Variants in SYMPK observed in about 807,000 individuals in gnomAD.
SYMPK encodes symplekin scaffold protein.
Under a neutral mutation model 136.4 loss-of-function variants are expected in SYMPK, and 49 were observed. The observed-to-expected ratio is 0.36, with a 90% CI of 0.29 to 0.46. The LOEUF is 0.46. SYMPK is among the 20% of genes least tolerant of loss of function. SYMPK has a pLI of 1.00. For missense variants in SYMPK, 1,365 were observed against 1,690.0 expected, an observed-to-expected ratio of 0.81 and a Z score of 3.37; for synonymous variants, 766 against 713.0, an observed-to-expected ratio of 1.07 and a Z score of -1.19.
intron 9 of SYMPK, among the ~76,000 whole-genome samples, chr19:45,838,863 C>T (rs143196848): frequency 1.5e-4 from 23 of 152,324 alleles, no homozygotes; most frequent in Non-Finnish European, 3.1e-4. Flanking sequence ...ACCCCTGCAG[C>T]TTATCATAAG....
chr19:45,863,025 C>G (rs1026943477), intron 1 of SYMPK, 33 bp downstream of exon 1: 1 of 363,394 alleles, frequency 2.8e-6, no homozygotes, highest in Non-Finnish European at 4.9e-6. Context: ...CTCCTCCTTT[C>G]GTCTCCGGGC....
rs1001480376 is a variant in SYMPK, at chr19:45,825,301, A to G, written c.2360T>C (p.Val787Ala). ...EVAAPWTEET[V>A]KQCLYLYLAL... ...CAGGTAGAGGTACAGACACTGCTTC[A>G]CTGTCTCCTCCGTCCAGGGTGCTGC... Residue 787 changes from valine (V) to alanine (A), a missense_variant, in exon 18 of 27, where the codon GTG becomes GCG. Val to Ala is a moderately conservative substitution (Grantham distance 64, BLOSUM62 0). Around this residue, in one of 11 missense-constraint regions of SYMPK, gnomAD observed 92 missense variants for 198.6 expected, o/e 0.46. Coordinates refer to ENST00000245934, the MANE Select transcript of SYMPK (RefSeq NM_004819.3). 2.5e-6 allele frequency: 4 copies of G among 1,613,978 alleles called. No individual in the cohort carries two copies. The African/African-American group carries it at 5.3e-5, about 22-fold the overall frequency.
chr19:45,854,862 G>T, intron 1 of SYMPK: 1 of 235,292 alleles, frequency 4.3e-6, no homozygotes, highest in South Asian at 7.4e-5. Flanking sequence ...TTTGGACTGG[G>T]CACCACAGCA....
intron 7 of SYMPK, among the ~76,000 whole-genome samples, chr19:45,845,945 T>C (rs954757951): frequency 5.3e-5 from 8 of 152,156 alleles, no homozygotes; most frequent in Non-Finnish European, 8.8e-5. Flanking sequence ...TTATTTAAAA[T>C]AGTGAATTAG....
intron 1 of SYMPK, among the ~76,000 whole-genome samples, chr19:45,860,414 C>T (rs1971936229): frequency 6.6e-6 from 1 of 150,708 alleles, no homozygotes; most frequent in South Asian, 2.1e-4. Context: ...GCCGAGGTCA[C>T]ATCATTGCAC....
chr19:45,817,949 G>T lies in SYMPK; in HGVS notation c.3081+10C>A, dbSNP rs1157735483. The T allele has an allele frequency of 6.4e-7, 1 of 1,559,658 alleles. No individual in the cohort carries two copies. Among genetic ancestry groups the T allele is most frequent in the African/African-American group, 1.4e-5 (1 of 74,042 alleles). ...GCAGCCTGGAGGCGGGGTGGCCGGG[G>T]ATGGGTTACCTGCTTCATGATGAGG... On this transcript the variant is annotated intron_variant, in intron 23 of 26. Coordinates refer to ENST00000245934, the MANE Select transcript of SYMPK (RefSeq NM_004819.3).
chr19:45,850,563 A>G (rs928027149), intron 5 of SYMPK, among the ~76,000 whole-genome samples: 2 of 152,216 alleles, frequency 1.3e-5, no homozygotes, highest in African/African-American at 2.4e-5. Flanking sequence ...TAAAAAGAGG[A>G]TAACCACAGT....
At chr19:45,838,667 C>T (rs1291880169) in intron 9 of SYMPK, 52 bp from the exon 10 acceptor site, 2 of 1,571,710 alleles carry the variant, frequency 1.3e-6, no homozygotes, top group Admixed American at 1.7e-5. Flanking sequence ...GCTGCAGGCC[C>T]TCCATCCTTC....
chr19:45,827,653 A>T, intron 15 of SYMPK, 30 bp from the exon 16 acceptor site: 2 of 1,592,830 alleles, frequency 1.3e-6, no homozygotes, highest in Non-Finnish European at 1.7e-6. Flanking sequence ...ACCCGAGCTC[A>T]GCCCACCTGA....
Position 45,835,061 on chromosome 19 carries a change from G to A in SYMPK, c.1393+17C>T, listed in dbSNP as rs760879590. 1.3e-5 allele frequency: 21 copies of A among 1,567,066 alleles called. No homozygotes were observed. Among genetic ancestry groups the A allele is most frequent in the South Asian group, 4.7e-5 (4 of 84,568 alleles). On this transcript the variant is annotated intron_variant, in intron 11 of 26. Transcript: ENST00000245934. ...AGTGCCAATCCCTGGCCCAGGTTAG[G>A]GCCAGGACACACTCACCTGGTCCCA...
chr19:45,830,267 ACT>A (rs1187560824), intron 12 of SYMPK, 63 bp from the exon 13 acceptor site: 5 of 1,533,458 alleles, frequency 3.3e-6, no homozygotes, highest in African/African-American at 2.7e-5. Flanking sequence ...CTGTCTGGTG[ACT>A]CTCCCAACTT....
intron 7 of SYMPK, among the ~76,000 whole-genome samples, chr19:45,845,501 C>CA (rs1971538827): frequency 6.6e-6 from 1 of 152,108 alleles, no homozygotes; most frequent in South Asian, 2.1e-4. Context: ...CTTCCACTTC[C>CA]ATCCATGTTG....
chr19:45,845,557 C>T (rs972042975), intron 7 of SYMPK, among the ~76,000 whole-genome samples: 3 of 152,002 alleles, frequency 2.0e-5, no homozygotes, highest in Admixed American at 2.0e-4. Context: ...GAATAGTATT[C>T]AATTGTGTAT....
chr19:45,823,261 C>T, intron 20 of SYMPK, 111 bp downstream of exon 20: 5 of 1,086,416 alleles, frequency 4.6e-6, no homozygotes, highest in Non-Finnish European at 5.6e-6. Flanking sequence ...GTGCCTTCTG[C>T]CCTCTGCTAT....
intron 6 of SYMPK, among the ~76,000 whole-genome samples, 153 bp downstream of exon 6, chr19:45,848,594 GACA>G (rs1476145390): frequency 6.6e-6 from 1 of 152,220 alleles, no homozygotes; most frequent in Non-Finnish European, 1.5e-5. Flanking sequence ...TGACCTAGGA[GACA>G]ACGTTAGCTC....
At chr19:45,834,103 C>T (rs1181758468) in intron 11 of SYMPK, among the ~76,000 whole-genome samples, 5 of 152,122 alleles carry the variant, frequency 3.3e-5, no homozygotes, top group African/African-American at 1.2e-4. Context: ...CTGGCTAAGA[C>T]GGTGAAACCC....
intron 14 of SYMPK, 32 bp downstream of exon 14, chr19:45,828,938 G>A (rs760198127): frequency 6.3e-7 from 1 of 1,599,488 alleles, no homozygotes; most frequent in Non-Finnish European, 8.6e-7. Flanking sequence ...AAGCCTCTCG[G>A]GGACAGGAGG....
intron 17 of SYMPK, 121 bp from the exon 18 acceptor site, chr19:45,825,452 G>A (rs1971019626): frequency 7.9e-7 from 1 of 1,265,584 alleles, no homozygotes; most frequent in South Asian, 1.5e-5. Flanking sequence ...GCCGGGGCTG[G>A]GGAGCTAATT....
intron 23 of SYMPK, 87 bp from the exon 24 acceptor site, chr19:45,817,061 C>G (rs1189462667): frequency 3.7e-6 from 5 of 1,363,032 alleles, no homozygotes; most frequent in Non-Finnish European, 5.0e-6. Context: ...TTGCCAAGAC[C>G]ATGCCCAAAT....
Sources: gnomAD v4.1 joint callset for allele counts (sites outside exome capture counted in the v4.1 genomes callset) on GRCh38, gnomAD v4.1.1 for gene constraint, gnomAD v4.1.1 regional missense constraint, MANE v1.5 for transcripts, NCBI Gene and HGNC (gene_info 2026-07-23, HGNC 2026-07-21) for gene names.